The following MYO18B variants were observed in gnomAD, a reference collection of about 807,000 sequenced individuals.
The protein encoded by MYO18B is unconventional myosin-XVIIIb.
MYO18B carries 204 observed loss-of-function variants against 273.0 expected under a neutral mutation model. That is an observed-to-expected ratio of 0.75 (90% CI 0.67 to 0.84). The LOEUF is 0.84. Among genes scored for constraint, MYO18B ranks in the 40% least tolerant of loss-of-function variants. MYO18B has a pLI of 0.00. For missense variants in MYO18B, 3,212 were observed against 3,287.6 expected (o/e 0.98, Z 0.56); for synonymous variants, 1,330 against 1,305.7 (o/e 1.02, Z -0.40).
intron 37 of MYO18B, among the ~76,000 whole-genome samples, chr22:25,951,165 C>G (rs1373907658): frequency 6.6e-6 from 1 of 152,184 alleles, no homozygotes; most frequent in African/African-American, 2.4e-5. Flanking sequence ...AGATGTTAAT[C>G]TCTTTTGGCA....
chr22:25,862,226 C>T (rs948918368), intron 21 of MYO18B, among the ~76,000 whole-genome samples: 14 of 152,070 alleles, frequency 9.2e-5, no homozygotes, highest in African/African-American at 3.1e-4. Flanking sequence ...TATCCTTTGG[C>T]GGTCCTGGAA....
At chr22:26,052,792 GTGGTTTTTTTTTT>G in the MYO18B span, among the ~76,000 whole-genome samples, 8 of 150,682 alleles carry the variant, frequency 5.3e-5, no homozygotes, top group East Asian at 5.8e-4. Flanking sequence ...TATGAATTGG[GTGGTTTTTTTTTT>G]TGGTTTTTTT....
At chr22:25,944,846 C>CA (rs55989904) in intron 34 of MYO18B, among the ~76,000 whole-genome samples, 18,000 of 75,318 alleles carry the variant, frequency 0.24, 1,746 homozygotes, top group East Asian at 0.38. Flanking sequence ...GACTCCATCT[C>CA]AAAAAAAAAA....
At chr22:25,846,543 G>A (rs2090253316) in intron 19 of MYO18B, among the ~76,000 whole-genome samples, 1 of 152,202 alleles carries the variant, frequency 6.6e-6, no homozygotes, top group South Asian at 2.1e-4. Context: ...AGAGGCCTGG[G>A]GGAGTTCCCA....
At chr22:25,806,171 G>A (rs1000591436) in intron 12 of MYO18B, among the ~76,000 whole-genome samples, 1 of 152,136 alleles carries the variant, frequency 6.6e-6, no homozygotes, top group Non-Finnish European at 1.5e-5. Flanking sequence ...AGGTTGCCCT[G>A]GAATGGAGGT....
chr22:25,797,608 G>C lies in MYO18B; in HGVS notation c.2377-345G>C, dbSNP rs191406137. 3.7e-3 allele frequency among the ~76,000 whole-genome samples: 561 copies of C among 152,182 alleles called. 3 individuals carry two copies. The highest frequency in any genetic ancestry group is 0.013 in the African/African-American group (524 of 41,512). On this transcript the variant is annotated intron_variant, in intron 11 of 43. Coordinates refer to ENST00000335473, the MANE Select transcript of MYO18B (RefSeq NM_032608.7). ...TTAGTTGCTTTTATGTCTCTTTCCA[G>C]TTCTACCTTGAGAGGGCCTCAAAGT... is the stretch of plus-strand genomic sequence containing the variant.
chr22:25,770,229 C>G (rs2086669700), intron 5 of MYO18B, 53 bp downstream of exon 5: 1 of 1,553,340 alleles, frequency 6.4e-7, no homozygotes, highest in Non-Finnish European at 8.9e-7. Context: ...CCTGTGCCCC[C>G]TACTGCTGCC....
At chr22:25,945,241 G>C (rs2092690800) in intron 34 of MYO18B, among the ~76,000 whole-genome samples, 1 of 152,066 alleles carries the variant, frequency 6.6e-6, no homozygotes, top group African/African-American at 2.4e-5. Context: ...CACTTGGCTG[G>C]TTCCCATGGG....
intron 42 of MYO18B, among the ~76,000 whole-genome samples, chr22:26,011,102 C>G (rs914344710): frequency 6.7e-6 from 1 of 149,866 alleles, no homozygotes; most frequent in Non-Finnish European, 1.5e-5. Flanking sequence ...ATTACTAGAT[C>G]CAGGAATTCA....
At chr22:25,809,853 A>G (rs541364658) in intron 12 of MYO18B, among the ~76,000 whole-genome samples, 3 of 152,248 alleles carry the variant, frequency 2.0e-5, no homozygotes, top group Admixed American at 6.5e-5. Flanking sequence ...ATAGTAACAG[A>G]GGGACTGTTA....
chr22:25,971,786 A>G (rs1216537013), intron 39 of MYO18B, among the ~76,000 whole-genome samples: 2 of 152,218 alleles, frequency 1.3e-5, no homozygotes. Context: ...TTGGGTCGAC[A>G]TTAAAGACTT....
intron 34 of MYO18B, among the ~76,000 whole-genome samples, chr22:25,922,387 A>G (rs1023873043): frequency 1.3e-5 from 2 of 152,080 alleles, no homozygotes; most frequent in African/African-American, 4.8e-5. Flanking sequence ...AGTGTTGAGA[A>G]GTGTGAATGG....
rs2088920275 is a variant in MYO18B, at chr22:25,814,572, T to G, written c.2522-8933T>G. The stretch of plus-strand genomic sequence containing the variant: ...CAGAGGGGAGAAAGAACTTGCCAAA[T>G]GGGGTGGACTAGGTGCTCTCCAGGG... On this transcript the variant is annotated intron_variant, in intron 12 of 43. Coordinates refer to ENST00000335473, the MANE Select transcript of MYO18B (RefSeq NM_032608.7). Among the ~76,000 whole-genome samples the G allele has an allele frequency of 2.0e-5, 3 of 152,140 alleles. No homozygotes were observed. In the South Asian group the frequency reaches 6.3e-4, roughly 32 times the overall value.
rs2091405022 is a variant in MYO18B, at chr22:25,883,457, C to G, written c.4314+5409C>G. 1 of 152,216 alleles carries G rather than the reference C, an allele frequency of 6.6e-6. No individual in the cohort carries two copies. 9.4% of individuals were successfully genotyped at this position (152,216 alleles called of 1,614,324 possible). A position where few individuals can be genotyped will look rare whatever the true frequency, so the allele number is the denominator to read the frequency against. ...GCCTTAGAGATTCTGAATCAGTAGG[C>G]TTGGCGTGGCCTTGGGGAGGCTGTA... On this transcript the variant is annotated intron_variant, in intron 25 of 43. Transcript: ENST00000335473. This position sits in a 1 kb window ranked among gnomAD's most constrained non-coding sequence, Gnocchi z 7.6.
intron 21 of MYO18B, among the ~76,000 whole-genome samples, chr22:25,863,724 C>G (rs968475903): frequency 6.6e-6 from 1 of 152,156 alleles, no homozygotes; most frequent in African/African-American, 2.4e-5. Flanking sequence ...CAGGCAGTTC[C>G]CAGTTATGCT....
chr22:25,861,845 T>G (rs2090746765), intron 21 of MYO18B, among the ~76,000 whole-genome samples: 1 of 152,206 alleles, frequency 6.6e-6, no homozygotes, highest in South Asian at 2.1e-4. Flanking sequence ...TAATACTAAC[T>G]TAATTCTGGG....
intron 39 of MYO18B, among the ~76,000 whole-genome samples, chr22:25,964,606 A>G (rs2092957193): frequency 6.6e-6 from 1 of 152,170 alleles, no homozygotes; most frequent in African/African-American, 2.4e-5. Flanking sequence ...ATTTAGTAGC[A>G]TCCCTGTCCT....
At position 25,828,903 on chromosome 22, in the gene MYO18B, C is replaced by T; in HGVS notation, c.2914C>T (p.His972Tyr). 1 of 1,614,062 alleles carries T rather than the reference C, an allele frequency of 6.2e-7. No homozygotes were observed. The highest frequency in any genetic ancestry group is 8.5e-7 in the Non-Finnish European group (1 of 1,179,906). The part of the protein sequence containing the change: ...TFEELCHNYA[H>Y]ERLQLLFYQR... ...TGAGGAGCTGTGCCACAACTACGCCCATGAGCGCCTGCAGCTGCTGTTCTA... is the reference window on the plus strand; with the variant it reads ...TGAGGAGCTGTGCCACAACTACGCCTATGAGCGCCTGCAGCTGCTGTTCTA... The change falls in exon 15 of 44, where the codon CAT (histidine) becomes TAT (tyrosine). Residue 972 changes from histidine to tyrosine, a missense_variant. His to Tyr is a moderately conservative substitution (Grantham distance 83). Coordinates refer to ENST00000335473, the MANE Select transcript of MYO18B (RefSeq NM_032608.7).
chr22:25,760,258 A>G (rs2086260126), intron 1 of MYO18B, among the ~76,000 whole-genome samples: 1 of 151,906 alleles, frequency 6.6e-6, no homozygotes, highest in African/African-American at 2.4e-5. Flanking sequence ...TACCCAAAAT[A>G]TAAAAAATTA....
Sources: gnomAD v4.1 joint callset for allele counts (sites outside exome capture counted in the v4.1 genomes callset) on GRCh38, gnomAD v4.1.1 for gene constraint, Gnocchi (gnomAD v3.1) non-coding constraint, MANE v1.5 for transcripts, NCBI Gene and HGNC (gene_info 2026-07-23, HGNC 2026-07-21) for gene names.